The following ST7 variants were observed in gnomAD, a reference collection of about 807,000 sequenced individuals.
ST7 encodes suppression of tumorigenicity 7.
ST7 carries 28 observed loss-of-function variants against 78.7 expected under a neutral mutation model. The observed-to-expected ratio is 0.36, with a 90% CI of 0.26 to 0.49. The LOEUF (loss-of-function observed/expected upper bound fraction) is 0.49, where lower values mean the gene tolerates loss of function less well. Ranked by LOEUF, ST7 falls within the 20% of genes least tolerant of loss-of-function variation. The pLI is 0.99. For missense variants in ST7, 418 were observed against 696.0 expected, an observed-to-expected ratio of 0.60 and a Z score of 4.49; for synonymous variants, 247 against 249.6, an observed-to-expected ratio of 0.99 and a Z score of 0.10.
At chr7:117,099,963 A>C (rs1801444057) in intron 2 of ST7, 119 bp downstream of exon 2, 2 of 681,784 alleles carry the variant, frequency 2.9e-6, no homozygotes, top group Non-Finnish European at 4.7e-6. Context: ...ATTATCTTGC[A>C]CATGTATATA....
intron 1 of ST7, chr7:116,955,294 G>A (rs933358359): frequency 6.1e-6 from 2 of 325,756 alleles, no homozygotes; most frequent in Admixed American, 4.8e-5. Context: ...CCACAGATTG[G>A]GTAATTTTTA....
chr7:116,994,475 G>T (rs12706134), intron 1 of ST7, among the ~76,000 whole-genome samples: 22,921 of 152,094 alleles, frequency 0.15, 2,194 homozygotes, highest in South Asian at 0.23. Context: ...TAACTGACCG[G>T]TGATTTTTAT....
chr7:117,166,852 G>A (rs1487354984), intron 9 of ST7, among the ~76,000 whole-genome samples: 1 of 151,576 alleles, frequency 6.6e-6, no homozygotes, highest in African/African-American at 2.4e-5. Context: ...TTGCACCACT[G>A]CGCTCCAGAC....
At chr7:117,199,535 T>C (rs1169189088) in intron 12 of ST7, among the ~76,000 whole-genome samples, 2 of 152,228 alleles carry the variant, frequency 1.3e-5, no homozygotes, top group Non-Finnish European at 2.9e-5. Flanking sequence ...GAGGCATCCC[T>C]GCAACTTTAC....
At chr7:116,995,715 A>T (rs1014491755) in intron 1 of ST7, among the ~76,000 whole-genome samples, 1 of 152,170 alleles carries the variant, frequency 6.6e-6, no homozygotes, top group African/African-American at 2.4e-5. Flanking sequence ...TCAGATGCCT[A>T]CCTACAGTAG....
chr7:117,018,893 C>T (rs938492019), intron 1 of ST7, among the ~76,000 whole-genome samples: 2 of 152,158 alleles, frequency 1.3e-5, no homozygotes, highest in Admixed American at 6.5e-5. Context: ...CTTAATGGCT[C>T]AGCATTTTTA....
At chr7:117,217,332 A>G (rs1211498365) in intron 13 of ST7, among the ~76,000 whole-genome samples, 3 of 151,646 alleles carry the variant, frequency 2.0e-5, no homozygotes, top group Non-Finnish European at 4.4e-5. Context: ...AGGTTTTTCC[A>G]CATTTTTCAG....
chr7:117,071,948 G>A (rs573902806), intron 1 of ST7: 1 of 152,206 alleles, frequency 6.6e-6, no homozygotes, highest in Admixed American at 6.5e-5. Context: ...GCAATCCCTC[G>A]TGGTATAAGA....
At chr7:117,213,829 A>G (rs967833837) in intron 13 of ST7, among the ~76,000 whole-genome samples, 1 of 152,196 alleles carries the variant, frequency 6.6e-6, no homozygotes, top group African/African-American at 2.4e-5. Flanking sequence ...TTCATTACAT[A>G]GCTGCCACCT....
chr7:117,170,680 C>T (rs766313850), intron 9 of ST7, among the ~76,000 whole-genome samples, 182 bp from the exon 10 acceptor site: 95 of 151,944 alleles, frequency 6.3e-4, no homozygotes, highest in Non-Finnish European at 1.1e-3. Flanking sequence ...GACTCCATCT[C>T]AAATAAATAA....
At chr7:117,185,368 C>T (rs186196870) in intron 10 of ST7, among the ~76,000 whole-genome samples, 1 of 152,258 alleles carries the variant, frequency 6.6e-6, no homozygotes, top group East Asian at 1.9e-4. Context: ...AGAATTCTTC[C>T]CTCTAGCATC....
intron 6 of ST7, 32 bp from the exon 7 acceptor site, chr7:117,134,092 A>G (rs760799728): frequency 1.2e-6 from 2 of 1,609,594 alleles, no homozygotes; most frequent in South Asian, 2.2e-5. Flanking sequence ...ATCAATTTTC[A>G]TTTTACCAAC....
At chr7:117,023,822 G>A (rs1362300571) in intron 1 of ST7, among the ~76,000 whole-genome samples, 1 of 151,842 alleles carries the variant, frequency 6.6e-6, no homozygotes, top group Non-Finnish European at 1.5e-5. Flanking sequence ...GTGTGTGTGT[G>A]ACGGAGTCTC....
intron 9 of ST7, among the ~76,000 whole-genome samples, chr7:117,143,681 C>T (rs746953374): frequency 2.0e-5 from 3 of 152,170 alleles, no homozygotes; most frequent in African/African-American, 4.8e-5. Flanking sequence ...GGTCTACAAC[C>T]ACCTGTATCA....
chr7:117,211,780 G>C (rs1211522998), intron 13 of ST7, among the ~76,000 whole-genome samples: 1 of 152,168 alleles, frequency 6.6e-6, no homozygotes, highest in African/African-American at 2.4e-5. Flanking sequence ...GTGGGGAGAT[G>C]ATCTGATCAA....
intron 1 of ST7, among the ~76,000 whole-genome samples, chr7:116,975,773 GA>G (rs1793675598): frequency 6.6e-6 from 1 of 151,524 alleles, no homozygotes; most frequent in Non-Finnish European, 1.5e-5. Context: ...TTATAGAATA[GA>G]AAAAGGGTGT....
chr7:117,091,304 G>A (rs1218343026), intron 1 of ST7, among the ~76,000 whole-genome samples: 1 of 152,204 alleles, frequency 6.6e-6, no homozygotes, highest in Non-Finnish European at 1.5e-5. Context: ...AGGAAAAGAA[G>A]TGCTCGTGCT....
chr7:117,146,421 T>C (rs1358361560), intron 9 of ST7: 2 of 152,278 alleles, frequency 1.3e-5, no homozygotes, highest in African/African-American at 4.8e-5. Context: ...ACAGGGCTTA[T>C]TGATCACAGT....
At chr7:117,206,011 T>C (rs1346931337) in intron 12 of ST7, among the ~76,000 whole-genome samples, 20 of 152,252 alleles carry the variant, frequency 1.3e-4, no homozygotes. Context: ...TGTGAAATGT[T>C]GTTCCATGCT....
Sources: allele counts gnomAD v4.1 joint callset (sites outside exome capture counted in the v4.1 genomes callset), GRCh38; gene constraint gnomAD v4.1.1; transcripts MANE v1.5; gene names NCBI Gene and HGNC (gene_info 2026-07-23, HGNC 2026-07-21).